CHRDL1: variants seen among roughly 807,000 people sequenced by gnomAD.
CHRDL1 encodes the protein chordin like 1.
A neutral mutation model predicts 40.9 loss-of-function variants in CHRDL1; 19 were observed. The observed-to-expected ratio is 0.46, with a 90% CI of 0.32 to 0.68. The LOEUF (loss-of-function observed/expected upper bound fraction) is 0.68. Ranked by LOEUF, CHRDL1 falls within the 30% of genes least tolerant of loss-of-function variation. CHRDL1 has a pLI of 0.03. For missense variants in CHRDL1, 329 were observed against 352.1 expected (o/e 0.93, Z 0.53); for synonymous variants, 136 against 123.4 (o/e 1.10, Z -0.68).
intron 11 of CHRDL1, among the ~76,000 whole-genome samples, chrX:110,677,101 G>A (rs2069793987): frequency 9.0e-6 from 1 of 110,651 alleles, no homozygotes. Flanking sequence ...CTGCAACCTG[G>A]AGAACTCCTA....
Position 110,675,088 on chromosome X carries a change from C to T in CHRDL1, c.*1143G>A, listed in dbSNP as rs1187856438. ...TAACTGAAGAGTCAACATGCAGATG[C>T]TCATGAGGACCGAGCCACTTTGCAA... On this transcript the variant is annotated 3_prime_UTR_variant, in exon 12 of 12. Coordinates refer to ENST00000372042, the MANE Select transcript of CHRDL1 (RefSeq NM_001143981.2). The T allele has an allele frequency of 8.9e-6, 1 of 111,871 alleles. No homozygotes were observed. The highest frequency in any genetic ancestry group is 1.9e-5 in the Non-Finnish European group (1 of 53,148). 9.2% of individuals were successfully genotyped at this position (111,871 alleles called of 1,213,427 possible). A position where few individuals can be genotyped will look rare whatever the true frequency, so the allele number is the denominator to read the frequency against.
At chrX:110,753,601 C>T (rs73528251) in intron 4 of CHRDL1, among the ~76,000 whole-genome samples, 1 of 111,669 alleles carries the variant, frequency 9.0e-6, no homozygotes, top group Non-Finnish European at 1.9e-5. Flanking sequence ...CTCTTTTGAA[C>T]CTTCCCTAGA....
intron 4 of CHRDL1, among the ~76,000 whole-genome samples, chrX:110,737,641 CT>C (rs1256311864): frequency 9.0e-6 from 1 of 111,697 alleles, no homozygotes; most frequent in Non-Finnish European, 1.9e-5. Context: ...ATTGAGAAGC[CT>C]TTTTACTGCC....
At chrX:110,716,605 T>C (rs1225098222) in intron 6 of CHRDL1, among the ~76,000 whole-genome samples, 4 of 110,748 alleles carry the variant, frequency 3.6e-5, no homozygotes, top group African/African-American at 1.3e-4. Context: ...AAGTGGCAAT[T>C]AGGCTGGATT....
chrX:110,741,747 T>C (rs1273038568), intron 4 of CHRDL1, among the ~76,000 whole-genome samples: 1 of 112,061 alleles, frequency 8.9e-6, no homozygotes, highest in Non-Finnish European at 1.9e-5. Context: ...TTAAGATTTT[T>C]AGGGCTGGGA....
chrX:110,795,365 T>C (rs1474526442), intron 1 of CHRDL1, among the ~76,000 whole-genome samples: 4 of 111,973 alleles, frequency 3.6e-5, no homozygotes, highest in Non-Finnish European at 7.5e-5. Flanking sequence ...TTACCATGTA[T>C]TCATCAGCAA....
At chrX:110,768,890 T>C (rs758205906) in intron 2 of CHRDL1, among the ~76,000 whole-genome samples, 1 of 111,187 alleles carries the variant, frequency 9.0e-6, no homozygotes, top group East Asian at 2.9e-4. Flanking sequence ...CTTTCATGTA[T>C]ACATATATCC....
At position 110,759,751 on chromosome X, in the gene CHRDL1, C is replaced by T; in HGVS notation, c.211G>A (p.Gly71Arg). ...YCVNCICSENGNVLCSRVRCP... is the reference protein window; with the variant it reads ...YCVNCICSENRNVLCSRVRCP... ...CTGACTCGGCTGCAAAGCACATTCC[C>T]ATTCTGAAAAAGAGAAGGCAATGAG... The change falls in exon 4 of 12, where the codon GGG (glycine) becomes AGG (arginine). Residue 71 changes from glycine to arginine, a missense_variant. Gly to Arg is a moderately radical substitution (Grantham distance 125, BLOSUM62 -2). Coordinates refer to ENST00000372042, the MANE Select transcript of CHRDL1 (RefSeq NM_001143981.2). The T allele has an allele frequency of 1.7e-6, 2 of 1,185,340 alleles. No individual in the cohort carries two copies. The highest frequency in any genetic ancestry group is 2.3e-6 in the Non-Finnish European group (2 of 871,600).
chrX:110,759,020 A>T (rs1357885013), intron 4 of CHRDL1, among the ~76,000 whole-genome samples: 1 of 112,034 alleles, frequency 8.9e-6, no homozygotes, highest in Non-Finnish European at 1.9e-5. Flanking sequence ...CCAGTCAGAC[A>T]TGAACAAAGT....
chrX:110,780,883 C>T (rs1470786893), intron 2 of CHRDL1, among the ~76,000 whole-genome samples: 1 of 111,132 alleles, frequency 9.0e-6, no homozygotes, highest in African/African-American at 3.3e-5. Context: ...TCATCGTCAA[C>T]ATTGTTATAT....
intron 7 of CHRDL1, 91 bp from the exon 8 acceptor site, chrX:110,694,422 A>G: frequency 1.4e-6 from 1 of 693,793 alleles, no homozygotes; most frequent in South Asian, 3.2e-5. Flanking sequence ...AATAATTTTG[A>G]TTTATAGTGG....
chrX:110,696,645 C>T (rs370230822), intron 7 of CHRDL1, among the ~76,000 whole-genome samples: 6 of 111,686 alleles, frequency 5.4e-5, no homozygotes, highest in African/African-American at 2.0e-4. Flanking sequence ...AAAGTTCATT[C>T]AGCTACAATG....
At chrX:110,705,302 T>TAC (rs2070603028) in intron 6 of CHRDL1, among the ~76,000 whole-genome samples, 3 of 84,941 alleles carry the variant, frequency 3.5e-5, no homozygotes, top group African/African-American at 1.2e-4. Context: ...TATATATATA[T>TAC]ATACACACAC....
intron 7 of CHRDL1, among the ~76,000 whole-genome samples, chrX:110,695,977 T>G (rs5943057): frequency 0.48 from 53,851 of 111,075 alleles, 11,290 homozygotes; most frequent in African/African-American, 0.79. Flanking sequence ...GATTCTCAGT[T>G]CAAATATTTC....
At chrX:110,763,664 C>T (rs972137425) in intron 2 of CHRDL1, among the ~76,000 whole-genome samples, 9 of 110,050 alleles carry the variant, frequency 8.2e-5, no homozygotes, top group Non-Finnish European at 1.1e-4. Context: ...GTTGGTTCTA[C>T]AATTATGCAA....
intron 9 of CHRDL1, among the ~76,000 whole-genome samples, chrX:110,686,476 T>G (rs1415790725): frequency 9.0e-6 from 1 of 111,595 alleles, no homozygotes; most frequent in East Asian, 2.8e-4. Flanking sequence ...TTTTAAACTA[T>G]TAAGTGTTAG....
rs1013834296 is a variant in CHRDL1 at position 110,674,447 on chromosome X, C to G, written c.*1784G>C. On this transcript the variant is annotated 3_prime_UTR_variant, in exon 12 of 12. Transcript: ENST00000372042. ...GGAGGGAGCAGCCGCATAACACCTT[C>G]CCCCCTTTACCACACACACACACAC... is the stretch of plus-strand genomic sequence containing the variant. 1.2e-5 allele frequency: 1 copy of G among 85,644 alleles called. No individual in the cohort carries two copies. Among genetic ancestry groups the G allele is most frequent in the African/African-American group, 4.7e-5 (1 of 21,155 alleles). 7.1% of individuals were successfully genotyped at this position (85,644 alleles called of 1,213,427 possible). A position where few individuals can be genotyped will look rare whatever the true frequency, so the allele number is the denominator to read the frequency against.
intron 4 of CHRDL1, among the ~76,000 whole-genome samples, chrX:110,722,445 T>C (rs918222328): frequency 1.8e-5 from 2 of 110,495 alleles, no homozygotes; most frequent in African/African-American, 6.6e-5. Context: ...GTTCAGCTTA[T>C]GCCGCCTTTC....
At chrX:110,753,597 T>C (rs781111306) in intron 4 of CHRDL1, among the ~76,000 whole-genome samples, 1 of 112,118 alleles carries the variant, frequency 8.9e-6, no homozygotes, top group African/African-American at 3.2e-5. Flanking sequence ...ATCTCTCTTT[T>C]GAACCTTCCC....
Sources: gnomAD v4.1 joint callset for allele counts (sites outside exome capture counted in the v4.1 genomes callset) on GRCh38, gnomAD v4.1.1 for gene constraint, MANE v1.5 for transcripts, NCBI Gene and HGNC (gene_info 2026-07-23, HGNC 2026-07-21) for gene names.